The following ALG1 variants were observed in gnomAD, a reference collection of about 807,000 sequenced individuals.
The protein encoded by ALG1 is chitobiosyldiphosphodolichol beta-mannosyltransferase.
ALG1 carries 58 observed loss-of-function variants against 55.1 expected under a neutral mutation model. The observed-to-expected ratio is 1.05, with a 90% CI of 0.85 to 1.31. The LOEUF (loss-of-function observed/expected upper bound fraction) is 1.31, where lower values mean the gene tolerates loss of function less well. Ranked by LOEUF, ALG1 falls within the 50% of genes most tolerant of loss-of-function variation. The pLI is 0.00. For missense variants in ALG1, 761 were observed against 598.6 expected (o/e 1.27, Z -2.83); for synonymous variants, 309 against 247.0 (o/e 1.25, Z -2.35).
intron 4 of ALG1, among the ~76,000 whole-genome samples, chr16:5,076,509 G>T (rs1956916816): frequency 6.6e-6 from 1 of 152,236 alleles, no homozygotes; most frequent in Non-Finnish European, 1.5e-5. Flanking sequence ...ACACAGCTAA[G>T]TGTGAGGACC....
chr16:5,073,092 GA>G, intron 2 of ALG1, 60 bp from the exon 3 acceptor site: 1 of 1,612,718 alleles, frequency 6.2e-7, no homozygotes, highest in Non-Finnish European at 8.5e-7. Context: ...GTGTTCGTTT[GA>G]AAAGCCGTGC....
intron 12 of ALG1, chr16:5,084,423 C>A: frequency 1.9e-6 from 1 of 516,570 alleles, no homozygotes; most frequent in Non-Finnish European, 3.5e-6. Context: ...ACCGACACCC[C>A]CTTGTTACCC....
chr16:5,074,232 A>C (rs577439551), intron 3 of ALG1, among the ~76,000 whole-genome samples: 14 of 148,492 alleles, frequency 9.4e-5, no homozygotes, highest in Non-Finnish European at 2.1e-4. Flanking sequence ...TGCACCTTCT[A>C]CCTCCCGTGT....
chr16:5,071,987 C>T lies in ALG1; in HGVS notation c.138C>T (p.Ser46=), dbSNP rs148665912. 12 of 1,596,000 alleles carry T rather than the reference C, an allele frequency of 7.5e-6. No homozygotes were observed. Among genetic ancestry groups the T allele is most frequent in the Non-Finnish European group, 1.0e-5 (12 of 1,171,232 alleles). Reference sequence around the variant, plus strand: ...TGGTGCTGGGCGACGTGGGCCGCAGCCCCCGTATGCAGTACCACGCGCTGT... The same window carrying T: ...TGGTGCTGGGCGACGTGGGCCGCAGTCCCCGTATGCAGTACCACGCGCTGT... ...VAVVLGDVGR[S]PRMQYHALSL... Residue 46 remains serine, a synonymous_variant, in exon 1 of 13, where the codon AGC becomes AGT. Transcript: ENST00000262374.
intron 3 of ALG1, 107 bp downstream of exon 3, chr16:5,073,363 T>A: frequency 9.7e-7 from 1 of 1,025,944 alleles, no homozygotes; most frequent in Non-Finnish European, 1.5e-6. Flanking sequence ...GTTGTGTGTA[T>A]GGGCGTTTAA....
At chr16:5,082,737 G>T (rs1957037889) in intron 11 of ALG1, 64 bp downstream of exon 11, 1 of 1,593,082 alleles carries the variant, frequency 6.3e-7, no homozygotes, top group Non-Finnish European at 8.5e-7. Context: ...GGGGGAAGCA[G>T]TGCAGAGGGA....
Position 5,085,038 on chromosome 16 carries a change from C to T in ALG1, c.*157C>T. 1.4e-6 allele frequency: 2 copies of T among 1,390,340 alleles called. No individual in the cohort carries two copies. The highest frequency in any genetic ancestry group is 2.4e-5 in the East Asian group (1 of 41,694). 86.1% of individuals were successfully genotyped at this position (1,390,340 alleles called of 1,614,324 possible). On this transcript the variant is annotated 3_prime_UTR_variant, in exon 13 of 13. Transcript: ENST00000262374. ...CCTGGTAAAAGAATTGGTTCTGTGA[C>T]CCGGGAAGCTTTGGTTGGCCTTGAT...
In ALG1 at chr16:5,084,799, G is replaced by C; in HGVS notation, c.1313G>C (p.Arg438Pro). ...PDPAGKLNQF[R>P]KNLRESQQLR... ...CCTGCGGGCAAGCTAAACCAGTTCCGGAAGAACCTGCGGGAGTCGCAGCAG... is the reference window on the plus strand; with the variant it reads ...CCTGCGGGCAAGCTAAACCAGTTCCCGAAGAACCTGCGGGAGTCGCAGCAG... Residue 438 changes from arginine (R) to proline (P), a missense_variant, in exon 13 of 13, where the codon CGG (arginine) becomes CCG (proline). By Grantham distance (103) the Arg-to-Pro change is moderately radical. Transcript: ENST00000262374. 12 of 1,596,456 alleles carry C rather than the reference G, an allele frequency of 7.5e-6. No individual in the cohort carries two copies. Among genetic ancestry groups the C allele is most frequent in the Non-Finnish European group, 1.0e-5 (12 of 1,179,776 alleles).
At chr16:5,084,587 G>A in intron 12 of ALG1, 163 bp from the exon 13 acceptor site, 1 of 1,096,346 alleles carries the variant, frequency 9.1e-7, no homozygotes. Flanking sequence ...TCAAGTTGGA[G>A]GCGGAGTGCT....
chr16:5,079,821 C>T lies in ALG1; in HGVS notation c.961+14C>T, dbSNP rs374517604. ...GTGTGATAACAGGTACTGCCTGGGA[C>T]CCTGGGTGTCTGTTTGGTTGGGGGA... On this transcript the variant is annotated intron_variant, in intron 9 of 12. Coordinates refer to ENST00000262374, the MANE Select transcript of ALG1 (RefSeq NM_019109.5). 6.2e-7 allele frequency: 1 copy of T among 1,611,282 alleles called. No homozygotes were observed. The highest frequency in any genetic ancestry group is 1.3e-5 in the African/African-American group (1 of 74,804).
rs561648557 is a variant in ALG1, at chr16:5,086,531, C to T, written c.*1650C>T. On this transcript the variant is annotated 3_prime_UTR_variant, in exon 13 of 13. Transcript: ENST00000262374. ...TGGCACAGTCATTGCTCACTACAGC[C>T]TCGACTCCTGGGCTCTAGCAATCCT... The T allele has an allele frequency of 6.6e-6, 1 of 150,898 alleles. No homozygotes were observed. Among genetic ancestry groups the T allele is most frequent in the Non-Finnish European group, 1.5e-5 (1 of 67,680 alleles). The allele number at this position is 150,898 out of a possible 1,614,324, so 9.3% of individuals were successfully genotyped here. A position where few individuals can be genotyped will look rare whatever the true frequency, so the allele number is the denominator to read the frequency against.
At position 5,085,672 on chromosome 16, in the gene ALG1, T is replaced by C; in HGVS notation, c.*791T>C. 1 of 1,611,900 alleles carries C rather than the reference T, an allele frequency of 6.2e-7. No homozygotes were observed. Among genetic ancestry groups the C allele is most frequent in the South Asian group, 1.1e-5 (1 of 90,990 alleles). ...CAGCATTGCCATCTCCAAGTGCTCT[T>C]CGTAGGGAAACAGTTTCTGCTCATG... is the stretch of plus-strand genomic sequence containing the variant. On this transcript the variant is annotated 3_prime_UTR_variant, in exon 13 of 13. Transcript: ENST00000262374.
Position 5,077,894 on chromosome 16 carries a change from G to C in ALG1, c.630-13G>C, listed in dbSNP as rs559171127. 3 of 1,607,448 alleles carry C rather than the reference G, an allele frequency of 1.9e-6. No individual in the cohort carries two copies. Among genetic ancestry groups the C allele is most frequent in the Non-Finnish European group, 1.7e-6 (2 of 1,179,712 alleles). On this transcript the variant is annotated splice_polypyrimidine_tract_variant and intron_variant, in intron 5 of 12. Transcript: ENST00000262374. ...TCAGCCCTCCCAATAGCCCCGTCAT[G>C]ATTTCATTGCAGGGCTGTGACCGTC...
intron 8 of ALG1, 76 bp from the exon 9 acceptor site, chr16:5,079,670 CAG>C: frequency 1.3e-6 from 2 of 1,507,320 alleles, no homozygotes; most frequent in Non-Finnish European, 9.2e-7. Context: ...GCCTGGGTGA[CAG>C]AGTGAGAGTC....
rs940773673 is a variant in ALG1 at position 5,086,533 on chromosome 16, C to G, written c.*1652C>G. ...GCACAGTCATTGCTCACTACAGCCT[C>G]GACTCCTGGGCTCTAGCAATCCTCC... On this transcript the variant is annotated 3_prime_UTR_variant, in exon 13 of 13. Coordinates refer to ENST00000262374, the MANE Select transcript of ALG1 (RefSeq NM_019109.5). 7 of 151,976 alleles carry G rather than the reference C, an allele frequency of 4.6e-5. No individual in the cohort carries two copies. Among genetic ancestry groups the G allele is most frequent in the African/African-American group, 1.7e-4 (7 of 41,380 alleles). The allele number at this position is 151,976 out of a possible 1,614,324, so 9.4% of individuals were successfully genotyped here.
At position 5,079,708 on chromosome 16, in the gene ALG1, C is replaced by G. The variant is rs763708081; in HGVS notation, c.902-40C>G. On this transcript the variant is annotated intron_variant, in intron 8 of 12. Transcript: ENST00000262374. Reference sequence around the variant, plus strand: ...TGTCAGAAAAAAAAAAAAATTCTATCAGAAATTCCATGTAGAATTGTTTCT... The same window carrying G: ...TGTCAGAAAAAAAAAAAAATTCTATGAGAAATTCCATGTAGAATTGTTTCT... The G allele has an allele frequency of 1.6e-5, 25 of 1,602,722 alleles. No homozygotes were observed. In the East Asian group the frequency reaches 5.4e-4, roughly 34 times the overall value.
At chr16:5,075,341 C>T in intron 3 of ALG1, 47 bp from the exon 4 acceptor site, 2 of 1,599,508 alleles carry the variant, frequency 1.3e-6, no homozygotes, top group Non-Finnish European at 1.7e-6. Context: ...GGTTTATTGC[C>T]TAGCATGGTC....
In ALG1 at chr16:5,085,350, C is replaced by G. The variant is rs1276356262; in HGVS notation, c.*469C>G. On this transcript the variant is annotated 3_prime_UTR_variant, in exon 13 of 13. Coordinates refer to ENST00000262374, the MANE Select transcript of ALG1 (RefSeq NM_019109.5). ...TTGGGGGAACATCATACTTGATACACACGTTTTTATTTGCACAAAGAAAAT... is the reference window on the plus strand; with the variant it reads ...TTGGGGGAACATCATACTTGATACAGACGTTTTTATTTGCACAAAGAAAAT... 1 of 508,894 alleles carries G rather than the reference C, an allele frequency of 2.0e-6. No individual in the cohort carries two copies. Among genetic ancestry groups the G allele is most frequent in the East Asian group, 3.8e-5 (1 of 26,504 alleles). 31.5% of individuals were successfully genotyped at this position (508,894 alleles called of 1,614,324 possible).
intron 10 of ALG1, 23 bp from the exon 11 acceptor site, chr16:5,082,536 G>T (rs200901659): frequency 2.8e-4 from 451 of 1,609,868 alleles, no homozygotes; most frequent in Non-Finnish European, 3.6e-4. Flanking sequence ...CCAGTGCTCT[G>T]ACCCACCCCT....
Sources: gnomAD v4.1 joint callset for allele counts (sites outside exome capture counted in the v4.1 genomes callset) on GRCh38, gnomAD v4.1.1 for gene constraint, MANE v1.5 for transcripts, NCBI Gene and HGNC (gene_info 2026-07-23, HGNC 2026-07-21) for gene names.